The following RALYL variants were observed in gnomAD, a reference collection of about 807,000 sequenced individuals.
The protein encoded by RALYL is RNA-binding Raly-like protein.
Under a neutral mutation model 35.1 loss-of-function variants are expected in RALYL, and 29 were observed. That is an observed-to-expected ratio of 0.83 (90% CI 0.61 to 1.13). RALYL has a LOEUF of 1.13. Ranked by LOEUF, RALYL falls within the 50% of genes most tolerant of loss-of-function variation. RALYL has a pLI of 0.00. For missense variants in RALYL, 359 were observed against 360.4 expected (o/e 1.00, Z 0.03); for synonymous variants, 120 against 127.6 (o/e 0.94, Z 0.40).
chr8:84,649,164 A>T (rs1828142966), intron 2 of RALYL, among the ~76,000 whole-genome samples: 1 of 152,106 alleles, frequency 6.6e-6, no homozygotes, highest in South Asian at 2.1e-4. Flanking sequence ...AAATCCCTTC[A>T]GGTTATAGAC....
intron 6 of RALYL, among the ~76,000 whole-genome samples, chr8:84,866,114 A>G (rs532485542): frequency 6.6e-6 from 1 of 152,306 alleles, no homozygotes; most frequent in South Asian, 2.1e-4. Flanking sequence ...AGAATGTACT[A>G]TTGGCCGGAA....
chr8:84,795,953 A>G (rs1344663805), intron 3 of RALYL, among the ~76,000 whole-genome samples: 2 of 152,196 alleles, frequency 1.3e-5, no homozygotes, highest in Non-Finnish European at 2.9e-5. Context: ...TTGATAGGAC[A>G]CCACAAATGT....
intron 1 of RALYL, among the ~76,000 whole-genome samples, chr8:84,515,296 T>G (rs2057969312): frequency 6.6e-6 from 1 of 152,174 alleles, no homozygotes; most frequent in Non-Finnish European, 1.5e-5. Context: ...TCTAATTTTT[T>G]AAAAAGCTCT....
chr8:84,747,270 A>T (rs942272212), intron 2 of RALYL, among the ~76,000 whole-genome samples: 2 of 151,850 alleles, frequency 1.3e-5, no homozygotes, highest in Non-Finnish European at 2.9e-5. Flanking sequence ...TAAAAAAAAA[A>T]TGGTGCTAAT....
At chr8:84,269,769 T>C (rs1586669584) in intron 1 of RALYL, among the ~76,000 whole-genome samples, 1 of 152,242 alleles carries the variant, frequency 6.6e-6, no homozygotes, top group East Asian at 1.9e-4. Flanking sequence ...AAATATTTCC[T>C]AGGAGAAATA....
intron 2 of RALYL, among the ~76,000 whole-genome samples, chr8:84,547,308 T>G (rs1245429585): frequency 6.6e-6 from 1 of 152,200 alleles, no homozygotes; most frequent in Non-Finnish European, 1.5e-5. Flanking sequence ...TATATTTTTC[T>G]AAAATTCTGT....
intron 1 of RALYL, among the ~76,000 whole-genome samples, chr8:84,243,889 T>C (rs574787513): frequency 6.6e-6 from 1 of 152,278 alleles, no homozygotes; most frequent in South Asian, 2.1e-4. Context: ...CAGGAGGACA[T>C]GCACCCTCTC....
chr8:84,297,039 A>C (rs1373256745), intron 1 of RALYL, among the ~76,000 whole-genome samples: 1 of 151,480 alleles, frequency 6.6e-6, no homozygotes, highest in East Asian at 1.9e-4. Context: ...AAGACAGTAC[A>C]GGCATTTCTT....
chr8:84,669,506 T>C (rs1439581491), intron 2 of RALYL, among the ~76,000 whole-genome samples: 1 of 50,742 alleles, frequency 2.0e-5, no homozygotes, highest in African/African-American at 1.0e-4. Flanking sequence ...CCCCACTCTA[T>C]TAGTTCACAG....
intron 2 of RALYL, among the ~76,000 whole-genome samples, chr8:84,577,186 G>C (rs1298252861): frequency 6.6e-6 from 1 of 152,210 alleles, no homozygotes; most frequent in African/African-American, 2.4e-5. Context: ...ACTTCCTTGA[G>C]GGAAGGAAAC....
At chr8:84,252,292 AT>A (rs1237817654) in intron 1 of RALYL, among the ~76,000 whole-genome samples, 1 of 152,094 alleles carries the variant, frequency 6.6e-6, no homozygotes, top group African/African-American at 2.4e-5. Context: ...GCCAGTGCTC[AT>A]TTTTTGATAT....
At chr8:84,273,614 T>C (rs1305754443) in intron 1 of RALYL, among the ~76,000 whole-genome samples, 1 of 152,240 alleles carries the variant, frequency 6.6e-6, no homozygotes, top group Non-Finnish European at 1.5e-5. Context: ...TACATGTCTG[T>C]CTTTATATGT....
intron 1 of RALYL, among the ~76,000 whole-genome samples, chr8:84,371,594 G>A (rs1340261596): frequency 6.6e-6 from 1 of 150,870 alleles, no homozygotes; most frequent in Non-Finnish European, 1.5e-5. Context: ...GAGAGAGAAG[G>A]GGGCAGGAAA....
At chr8:84,892,430 T>C (rs1844010503) in intron 8 of RALYL, among the ~76,000 whole-genome samples, 1 of 151,894 alleles carries the variant, frequency 6.6e-6, no homozygotes, top group African/African-American at 2.4e-5. Context: ...GCCAACATGG[T>C]GAAACTTCAT....
At chr8:84,736,512 T>C (rs2132968715) in intron 2 of RALYL, among the ~76,000 whole-genome samples, 1 of 152,136 alleles carries the variant, frequency 6.6e-6, no homozygotes, top group African/African-American at 2.4e-5. Flanking sequence ...GCAAAATATG[T>C]AAAAATAGCT....
chr8:84,531,636 TA>T (rs1432882548), intron 2 of RALYL, among the ~76,000 whole-genome samples: 2 of 152,126 alleles, frequency 1.3e-5, no homozygotes, highest in Non-Finnish European at 2.9e-5. Context: ...GGGCAAGCTC[TA>T]TTTACTGTCT....
chr8:84,638,373 G>T (rs1825505361), intron 2 of RALYL, among the ~76,000 whole-genome samples: 1 of 151,718 alleles, frequency 6.6e-6, no homozygotes, highest in Non-Finnish European at 1.5e-5. Flanking sequence ...AGCACAAATG[G>T]ACAATCTAAG....
chr8:84,419,731 A>T (rs1166786833), intron 1 of RALYL, among the ~76,000 whole-genome samples: 1 of 123,708 alleles, frequency 8.1e-6, no homozygotes, highest in Non-Finnish European at 1.6e-5. Flanking sequence ...AGAGTGTGAT[A>T]TTCCCCTTCC....
At chr8:84,311,856 G>T (rs984662768) in intron 1 of RALYL, among the ~76,000 whole-genome samples, 3 of 152,022 alleles carry the variant, frequency 2.0e-5, no homozygotes, top group Non-Finnish European at 2.9e-5. Context: ...AACAATAACA[G>T]AAATAGAACA....
Sources: gnomAD v4.1 joint callset for allele counts (sites outside exome capture counted in the v4.1 genomes callset) on GRCh38, gnomAD v4.1.1 for gene constraint, MANE v1.5 for transcripts, NCBI Gene and HGNC (gene_info 2026-07-23, HGNC 2026-07-21) for gene names.